The following TG variants were observed in gnomAD, a reference collection of about 807,000 sequenced individuals.
TG encodes the protein thyroglobulin, also known as thyroid hormones.
A neutral mutation model predicts 324.7 loss-of-function variants in TG; 270 were observed. The observed-to-expected ratio is 0.83, with a 90% CI of 0.75 to 0.92. TG has a LOEUF of 0.92. TG is among the 40% of genes least tolerant of loss of function. The pLI is 0.00. For missense variants in TG, 3,591 were observed against 3,456.4 expected, an observed-to-expected ratio of 1.04 and a Z score of -0.98; for synonymous variants, 1,401 against 1,327.0, an observed-to-expected ratio of 1.06 and a Z score of -1.21.
At chr8:132,887,722 A>G (rs1411305640) in intron 9 of TG, among the ~76,000 whole-genome samples, 174 bp downstream of exon 9, 2 of 152,190 alleles carry the variant, frequency 1.3e-5, no homozygotes, top group Non-Finnish European at 2.9e-5. Flanking sequence ...TGTTAATCAG[A>G]CCTAGGAGTA....
At chr8:132,885,540 G>T (rs187130676) in intron 8 of TG, among the ~76,000 whole-genome samples, 79 of 148,280 alleles carry the variant, frequency 5.3e-4, no homozygotes, top group Non-Finnish European at 4.0e-4. Context: ...ACCATAGCTA[G>T]CCTAGAAAAG....
intron 5 of TG, among the ~76,000 whole-genome samples, chr8:132,873,803 G>A (rs760382367): frequency 2.0e-5 from 3 of 152,306 alleles, no homozygotes; most frequent in East Asian, 3.9e-4. Context: ...TGAGCACAGA[G>A]GGTAAGAGGA....
chr8:132,898,761 A>C, intron 13 of TG, 37 bp from the exon 14 acceptor site: 1 of 1,601,100 alleles, frequency 6.2e-7, no homozygotes, highest in Non-Finnish European at 8.5e-7. Flanking sequence ...CTTGGCTCCC[A>C]CGACCAGTCC....
rs748414457 is a variant in TG at position 133,116,646 on chromosome 8, A to G, written c.7792A>G (p.Ser2598Gly). The change falls in exon 45 of 48, where the codon AGT (serine) becomes GGT (glycine). Residue 2598 changes from serine to glycine, a missense_variant. Coordinates refer to ENST00000220616, the MANE Select transcript of TG (RefSeq NM_003235.5). ...FIICPIIDMA[S>G]AWAKRARGNV... is the part of the protein sequence containing the mutation. The stretch of plus-strand genomic sequence containing the variant: ...CATCTGCCCTATAATCGACATGGCC[A>G]GTGCCTGGGCAAAGAGGGCCCGAGG... 3.1e-6 allele frequency: 5 copies of G among 1,614,272 alleles called. No homozygotes were observed. Among genetic ancestry groups the G allele is most frequent in the Middle Eastern group, 1.6e-4 (1 of 6,062 alleles).
intron 10 of TG, among the ~76,000 whole-genome samples, chr8:132,892,812 T>TTATGTGTGTGGTGTGTGTG (rs1028070538): frequency 6.9e-6 from 1 of 144,646 alleles, no homozygotes; most frequent in Non-Finnish European, 1.5e-5. Context: ...GTGTGTGTGT[T>TTATGTGTGTGGTGTGTGTG]TATGTGTGTG....
At chr8:133,046,839 T>C (rs1463243751) in intron 41 of TG, among the ~76,000 whole-genome samples, 1 of 152,226 alleles carries the variant, frequency 6.6e-6, no homozygotes, top group Non-Finnish European at 1.5e-5. Flanking sequence ...CCCTGCTTTC[T>C]GAAAGCAAGG....
chr8:132,972,013 A>T (rs1829593575), intron 33 of TG, 140 bp downstream of exon 33: 3 of 718,836 alleles, frequency 4.2e-6, no homozygotes, highest in Non-Finnish European at 5.1e-6. Flanking sequence ...GGAGAGGGCA[A>T]CTGGCTAATA....
chr8:133,099,462 C>A (rs1239173010), intron 43 of TG, among the ~76,000 whole-genome samples: 1 of 152,200 alleles, frequency 6.6e-6, no homozygotes, highest in African/African-American at 2.4e-5. Context: ...CCACTGCATG[C>A]AATCATCTCC....
In TG at chr8:133,040,311, A is replaced by T. The variant is rs565754591; in HGVS notation, c.7239+10288A>T. ...TGAAAGTCACGCGCCCAGCTGTTTGAGAAATGTAAGCGTGCCCTGGTATAC... is the reference window on the plus strand; with the variant it reads ...TGAAAGTCACGCGCCCAGCTGTTTGTGAAATGTAAGCGTGCCCTGGTATAC... On this transcript the variant is annotated intron_variant, in intron 41 of 47. Coordinates refer to ENST00000220616, the MANE Select transcript of TG (RefSeq NM_003235.5). 2.0e-4 allele frequency: 132 copies of T among 644,528 alleles called. No individual in the cohort carries two copies. The African/African-American group carries it at 2.3e-3, about 11-fold the overall frequency. The allele number at this position is 644,528 out of a possible 1,614,324, so 39.9% of individuals were successfully genotyped here.
intron 28 of TG, among the ~76,000 whole-genome samples, chr8:132,962,729 A>G (rs1165673119): frequency 6.6e-6 from 1 of 152,232 alleles, no homozygotes; most frequent in Non-Finnish European, 1.5e-5. Flanking sequence ...AGCAATATTT[A>G]TGAGCATATT....
At chr8:132,983,323 A>AC in intron 34 of TG, 27 bp from the exon 35 acceptor site, 1 of 1,613,364 alleles carries the variant, frequency 6.2e-7, no homozygotes, top group Non-Finnish European at 8.5e-7. Context: ...GTAGAAAAGA[A>AC]CTGAAAGACT....
At position 132,913,358 on chromosome 8, in the gene TG, TC is replaced by T; in HGVS notation, c.4378+95del. On this transcript the variant is annotated intron_variant, in intron 20 of 47. Transcript: ENST00000220616. ...CACTGGAGAGAGGCTACTCTGGACA[TC>T]CAGGGCTGAGAACCATCCATTTAGT... is the stretch of plus-strand genomic sequence containing the variant. 9.1e-6 allele frequency: 12 copies of T among 1,311,992 alleles called. No individual in the cohort carries two copies. In the South Asian group the frequency reaches 1.3e-4, roughly 15 times the overall value. 81.3% of individuals were successfully genotyped at this position (1,311,992 alleles called of 1,614,324 possible).
intron 41 of TG, chr8:133,048,873 T>C (rs548334581): frequency 5.4e-6 from 1 of 186,082 alleles, no homozygotes; most frequent in South Asian, 9.5e-5. Context: ...AGAATTCCAG[T>C]CTTCAAAGGA....
chr8:132,988,862 T>A, intron 35 of TG: 1 of 985,424 alleles, frequency 1.0e-6, no homozygotes, highest in Non-Finnish European at 1.2e-6. Context: ...GCATTCAGCT[T>A]GCCATTCTCT....
At chr8:133,024,298 ACAGGC>A (rs764926710) in intron 40 of TG, among the ~76,000 whole-genome samples, 33 of 148,668 alleles carry the variant, frequency 2.2e-4, no homozygotes, top group Non-Finnish European at 4.3e-4. Flanking sequence ...TTCATTAGCC[ACAGGC>A]CATTTTCTTT....
At chr8:132,961,784 C>G (rs1827799802) in intron 28 of TG, among the ~76,000 whole-genome samples, 1 of 152,156 alleles carries the variant, frequency 6.6e-6, no homozygotes, top group Non-Finnish European at 1.5e-5. Flanking sequence ...CCTCTGACCC[C>G]ATATTACTTC....
At chr8:132,969,414 C>T (rs1238156419) in intron 31 of TG, 44 bp from the exon 32 acceptor site, 2 of 1,368,226 alleles carry the variant, frequency 1.5e-6, no homozygotes, top group Admixed American at 1.7e-5. Flanking sequence ...TTCATGACTA[C>T]AGCAAATCTC....
chr8:133,064,721 G>A (rs149722903), intron 41 of TG, among the ~76,000 whole-genome samples: 13 of 152,294 alleles, frequency 8.5e-5, no homozygotes, highest in East Asian at 1.9e-4. Flanking sequence ...TTTCTGTTTC[G>A]CAGATCTGGG....
At position 132,882,855 on chromosome 8, in the gene TG, T is replaced by C. The variant is rs1563902956; in HGVS notation, c.931T>C (p.Phe311Leu). 1.2e-6 allele frequency: 2 copies of C among 1,614,072 alleles called. No individual in the cohort carries two copies. The highest frequency in any genetic ancestry group is 2.7e-5 in the African/African-American group (2 of 74,924). ...AGTGGAGCGGTTTACAGCAACCAGC[T>C]TTGGTCACCCCTATGTTCCAAGCTG... ...CEVERFTATS[F>L]GHPYVPSCRR... Residue 311 changes from phenylalanine (F) to leucine (L), a missense_variant, in exon 8 of 48, where the codon TTT becomes CTT. By Grantham distance (22) the Phe-to-Leu change is conservative. Coordinates refer to ENST00000220616, the MANE Select transcript of TG (RefSeq NM_003235.5).
Sources: allele counts gnomAD v4.1 joint callset (sites outside exome capture counted in the v4.1 genomes callset), GRCh38; gene constraint gnomAD v4.1.1; transcripts MANE v1.5; gene names NCBI Gene and HGNC (gene_info 2026-07-23, HGNC 2026-07-21).